LOXHD1: variants seen among roughly 807,000 people sequenced by gnomAD.
LOXHD1 encodes lipoxygenase homology PLAT domains 1, also known as lipoxygenase homology domain-containing protein 1.
Under a neutral mutation model 248.2 loss-of-function variants are expected in LOXHD1, and 205 were observed. The observed-to-expected ratio is 0.83, with a 90% CI of 0.74 to 0.93. LOXHD1 has a LOEUF of 0.93. LOXHD1 is among the 40% of genes least tolerant of loss of function. LOXHD1 has a pLI of 0.00. For missense variants in LOXHD1, 2,930 were observed against 2,971.6 expected (o/e 0.99, Z 0.33); for synonymous variants, 1,113 against 1,162.8 (o/e 0.96, Z 0.87).
intron 16 of LOXHD1, among the ~76,000 whole-genome samples, chr18:46,568,921 T>C (rs1194738153): frequency 6.6e-6 from 1 of 152,202 alleles, no homozygotes; most frequent in East Asian, 1.9e-4. Context: ...CCTGGAGCCT[T>C]GATCTGGAGG....
intron 19 of LOXHD1, 35 bp downstream of exon 19, chr18:46,560,048 T>TGCCTGCCCCCC: frequency 3.8e-5 from 47 of 1,226,284 alleles, no homozygotes; most frequent in Non-Finnish European, 4.9e-5. Flanking sequence ...GTCTGGCCAC[T>TGCCTGCCCCCC]CCCTCCCCAC....
chr18:46,540,387 G>A (rs368270587), intron 25 of LOXHD1, among the ~76,000 whole-genome samples: 1 of 152,148 alleles, frequency 6.6e-6, no homozygotes, highest in East Asian at 1.9e-4. Context: ...AAACAGCCTC[G>A]ACCCTGCTGG....
At chr18:46,641,915 T>C in intron 3 of LOXHD1, 41 bp downstream of exon 3, 1 of 1,529,538 alleles carries the variant, frequency 6.5e-7, no homozygotes, top group Non-Finnish European at 8.9e-7. Flanking sequence ...TCCCTCACTT[T>C]CATCTCCACC....
intron 12 of LOXHD1, among the ~76,000 whole-genome samples, chr18:46,587,651 T>C (rs1483684087): frequency 1.3e-5 from 2 of 152,202 alleles, no homozygotes; most frequent in Non-Finnish European, 2.9e-5. Flanking sequence ...AGAGCCTCTT[T>C]ACTTTAATTT....
intron 25 of LOXHD1, 122 bp from the exon 26 acceptor site, chr18:46,538,459 G>T: frequency 5.1e-6 from 5 of 983,384 alleles, no homozygotes; most frequent in Non-Finnish European, 7.6e-6. Flanking sequence ...ACTGCTGCCC[G>T]GGGAACTGCT....
chr18:46,557,407 G>A lies in LOXHD1; in HGVS notation c.3299C>T (p.Ala1100Val). 6.4e-7 allele frequency: 1 copy of A among 1,552,346 alleles called. No homozygotes were observed. The highest frequency in any genetic ancestry group is 1.2e-5 in the South Asian group (1 of 84,062). Residue 1100 changes from alanine to valine, a missense_variant, in exon 21 of 41, where the codon GCA (alanine) becomes GTA (valine). Ala to Val is a moderately conservative substitution (Grantham distance 64). Transcript: ENST00000642948. ...GTCTATTCTGTCCAGGAACCAGCCT[G>A]CTCTGTTGCCTGTGTTGTCGTGGCG... ...RIRHDNTGNR[A>V]GWFLDRIDIT... is the part of the protein sequence containing the mutation.
rs201981751 is a variant in LOXHD1 at position 46,485,032 on chromosome 18, G to A, written c.6169C>T (p.Arg2057Trp). The A allele has an allele frequency of 2.3e-5, 36 of 1,549,080 alleles. No homozygotes were observed. The Admixed American group carries it at 2.4e-4, about 10-fold the overall frequency. ...EFLMENSSRQ[R>W]AFRKGTTDTF... is the part of the protein sequence containing the mutation. ...TCCCCTTCCTACTTCCTAAAGGCCC[G>A]CTGCCTAGAAGAATTTTCCATGAGA... The change falls in exon 39 of 41, where the codon CGG (arginine) becomes TGG (tryptophan). Residue 2057 changes from arginine (R) to tryptophan (W), a missense_variant. Physicochemically the swap from Arg to Trp is moderately radical, Grantham distance 101. Transcript: ENST00000642948.
intron 34 of LOXHD1, among the ~76,000 whole-genome samples, chr18:46,510,584 C>T (rs561470094): frequency 2.0e-5 from 3 of 152,238 alleles, no homozygotes; most frequent in African/African-American, 7.2e-5. Flanking sequence ...ATAAGGCCCT[C>T]GGGGTAATGC....
At chr18:46,648,368 C>A (rs1354837852) in intron 2 of LOXHD1, among the ~76,000 whole-genome samples, 2 of 152,186 alleles carry the variant, frequency 1.3e-5, no homozygotes, top group Non-Finnish European at 2.9e-5. Flanking sequence ...GCTACTCATG[C>A]CTTTCCAGGC....
At chr18:46,488,224 G>A (rs949587292) in intron 38 of LOXHD1, among the ~76,000 whole-genome samples, 2 of 152,204 alleles carry the variant, frequency 1.3e-5, no homozygotes, top group Non-Finnish European at 2.9e-5. Flanking sequence ...ATGTCCCAGA[G>A]AGAGATACAG....
chr18:46,607,369 GTACATATA>G (rs1472439538), intron 6 of LOXHD1, among the ~76,000 whole-genome samples: 4 of 147,770 alleles, frequency 2.7e-5, no homozygotes, highest in African/African-American at 1.0e-4. Context: ...ATACATATAT[GTACATATA>G]TACATATATA....
chr18:46,625,878 C>G (rs2038735380), intron 4 of LOXHD1, among the ~76,000 whole-genome samples: 1 of 152,178 alleles, frequency 6.6e-6, no homozygotes, highest in South Asian at 2.1e-4. Flanking sequence ...TCCACCTGCA[C>G]ATTTCGATAA....
chr18:46,645,906 G>T (rs2039023126), intron 2 of LOXHD1, among the ~76,000 whole-genome samples: 1 of 152,142 alleles, frequency 6.6e-6, no homozygotes, highest in African/African-American at 2.4e-5. Flanking sequence ...AGGGAGAGGT[G>T]GGATGAGACA....
At chr18:46,480,834 T>C (rs2032498252) in intron 40 of LOXHD1, among the ~76,000 whole-genome samples, 1 of 152,226 alleles carries the variant, frequency 6.6e-6, no homozygotes, top group African/African-American at 2.4e-5. Flanking sequence ...TAGGGAATTT[T>C]TACTTTCTTT....
chr18:46,538,455 G>T, intron 25 of LOXHD1, 118 bp from the exon 26 acceptor site: 1 of 1,030,960 alleles, frequency 9.7e-7, no homozygotes, highest in Non-Finnish European at 1.4e-6. Flanking sequence ...GGGAACTGCT[G>T]CCCGGGGAAC....
intron 37 of LOXHD1, among the ~76,000 whole-genome samples, chr18:46,493,713 G>A (rs1568088657): frequency 6.6e-6 from 1 of 152,210 alleles, no homozygotes; most frequent in Non-Finnish European, 1.5e-5. Context: ...TGCAGTGTGA[G>A]GTCTCAATCT....
At position 46,570,684 on chromosome 18, in the gene LOXHD1, GGAA is replaced by G. The variant is rs374634439; in HGVS notation, c.2048-1049_2048-1047del. The stretch of plus-strand genomic sequence containing the variant: ...TCTTTTGGTTTCCCTGGGCCACACT[GGAA>G]GAAGAAGAATTGTCTTGGGCCACAC... On this transcript the variant is annotated intron_variant, in intron 15 of 40. Coordinates refer to ENST00000642948, the MANE Select transcript of LOXHD1 (RefSeq NM_001384474.1). Among the ~76,000 whole-genome samples, 692 of 152,238 alleles carry G rather than the reference GGAA, an allele frequency of 4.5e-3. 2 individuals are homozygous for G. Among genetic ancestry groups the G allele is most frequent in the African/African-American group, 0.016 (656 of 41,524 alleles).
intron 34 of LOXHD1, among the ~76,000 whole-genome samples, chr18:46,512,428 C>T (rs2035021435): frequency 1.3e-5 from 2 of 152,116 alleles, no homozygotes; most frequent in Non-Finnish European, 2.9e-5. Flanking sequence ...ATTTCTTCTC[C>T]CAAACTATCC....
intron 37 of LOXHD1, among the ~76,000 whole-genome samples, chr18:46,492,396 C>A (rs1269385326): frequency 2.0e-5 from 3 of 152,188 alleles, no homozygotes; most frequent in Non-Finnish European, 4.4e-5. Flanking sequence ...ACAATTATGG[C>A]AGAAGGCAAC....
Sources: allele counts gnomAD v4.1 joint callset (sites outside exome capture counted in the v4.1 genomes callset), GRCh38; gene constraint gnomAD v4.1.1; transcripts MANE v1.5; gene names NCBI Gene and HGNC (gene_info 2026-07-23, HGNC 2026-07-21).